The following SDK1 variants were observed in gnomAD, a reference collection of about 807,000 sequenced individuals.
SDK1 encodes the protein sidekick cell adhesion molecule 1, also known as protein sidekick-1.
Under a neutral mutation model 245.5 loss-of-function variants are expected in SDK1, and 157 were observed. The observed-to-expected ratio is 0.64, with a 90% CI of 0.56 to 0.73. The LOEUF (loss-of-function observed/expected upper bound fraction) is 0.73. Ranked by LOEUF, SDK1 falls within the 30% of genes least tolerant of loss-of-function variation. The pLI is 0.00. For missense variants in SDK1, 3,583 were observed against 3,002.3 expected, an observed-to-expected ratio of 1.19 and a Z score of -4.52; for synonymous variants, 1,647 against 1,278.5, an observed-to-expected ratio of 1.29 and a Z score of -6.15.
At chr7:4,091,414 C>G (rs1192566716) in intron 22 of SDK1, among the ~76,000 whole-genome samples, 1 of 143,312 alleles carries the variant, frequency 7.0e-6, no homozygotes, top group Admixed American at 7.3e-5. Context: ...AGGATCTGGG[C>G]TCACTGCAAC....
In SDK1 at chr7:3,744,736, CGG is replaced by C. The variant is rs1458352622; in HGVS notation, c.714-76712_714-76711del. Among the ~76,000 whole-genome samples the C allele has an allele frequency of 9.4e-4, 142 of 151,776 alleles. 1 individual carries two copies. The highest frequency in any genetic ancestry group is 3.4e-3 in the African/African-American group (139 of 41,368). On this transcript the variant is annotated intron_variant, in intron 4 of 44. Coordinates refer to ENST00000404826, the MANE Select transcript of SDK1 (RefSeq NM_152744.4). The stretch of plus-strand genomic sequence containing the variant: ...CTGAGGCAGGAGAATGGCGTGAACC[CGG>C]GAGGTGGAGGTTGCAGTGAGCGGAG...
intron 4 of SDK1, among the ~76,000 whole-genome samples, chr7:3,813,628 G>C (rs891384677): frequency 2.0e-5 from 3 of 148,142 alleles, no homozygotes; most frequent in Admixed American, 6.8e-5. Flanking sequence ...TATATACCCA[G>C]TAATGGGATG....
intron 4 of SDK1, among the ~76,000 whole-genome samples, chr7:3,658,661 G>A (rs1401431319): frequency 6.9e-6 from 1 of 144,966 alleles, no homozygotes; most frequent in Non-Finnish European, 1.5e-5. Context: ...ATCCAGGCTG[G>A]AGTGCAGTGG....
intron 4 of SDK1, among the ~76,000 whole-genome samples, chr7:3,729,333 A>G (rs1779107293): frequency 6.6e-6 from 1 of 152,180 alleles, no homozygotes; most frequent in Admixed American, 6.5e-5. Flanking sequence ...CTGTTGTTGA[A>G]AGTGCTTGCT....
At position 3,639,106 on chromosome 7, in the gene SDK1, C is replaced by G; in HGVS notation, c.561C>G (p.Val187=). The G allele has an allele frequency of 1.9e-6, 3 of 1,583,896 alleles. No homozygotes were observed. The highest frequency in any genetic ancestry group is 2.6e-6 in the Non-Finnish European group (3 of 1,156,480). Residue 187 remains valine (V), a synonymous_variant, in exon 3 of 45, where the codon GTC becomes GTG. Transcript: ENST00000404826. ...ALLQRKSEVQ[V]AYMGSFMDTD... is the part of the protein sequence containing the mutation. ...TGCAAAGAAAATCAGAAGTTCAAGTCGCATGTATGTGTACAGTAAGGAGAT... is the reference window on the plus strand; with the variant it reads ...TGCAAAGAAAATCAGAAGTTCAAGTGGCATGTATGTGTACAGTAAGGAGAT...
chr7:4,246,350 C>T (rs1381839299), intron 44 of SDK1, among the ~76,000 whole-genome samples: 4 of 152,058 alleles, frequency 2.6e-5, no homozygotes, highest in East Asian at 1.9e-4. Flanking sequence ...CAGATGGAGC[C>T]GGCAGGGCTC....
At chr7:3,620,204 A>C (rs1026569758) in intron 2 of SDK1, among the ~76,000 whole-genome samples, 1 of 151,978 alleles carries the variant, frequency 6.6e-6, no homozygotes, top group African/African-American at 2.4e-5. Context: ...GGTCCGTGGA[A>C]CCACACTCAG....
intron 42 of SDK1, among the ~76,000 whole-genome samples, chr7:4,237,986 C>G (rs977787656): frequency 3.9e-5 from 6 of 152,202 alleles, no homozygotes; most frequent in Admixed American, 2.6e-4. Context: ...GACCCAGATG[C>G]TGACCCTGCC....
intron 1 of SDK1, among the ~76,000 whole-genome samples, chr7:3,417,642 A>G (rs970881955): frequency 6.6e-6 from 1 of 152,198 alleles, no homozygotes; most frequent in Non-Finnish European, 1.5e-5. Flanking sequence ...ATTGTAATCA[A>G]ATATTTATGC....
chr7:3,846,159 G>T (rs1780273358), intron 5 of SDK1, among the ~76,000 whole-genome samples: 1 of 152,180 alleles, frequency 6.6e-6, no homozygotes, highest in African/African-American at 2.4e-5. Flanking sequence ...CATGAACTGA[G>T]TAGTAAAAGA....
At chr7:4,182,736 A>G (rs1782669651) in intron 35 of SDK1, among the ~76,000 whole-genome samples, 1 of 152,208 alleles carries the variant, frequency 6.6e-6, no homozygotes, top group Admixed American at 6.5e-5. Flanking sequence ...CTCCTTCCTG[A>G]GGCTCCTGGC....
chr7:3,903,356 G>A (rs925741702), intron 5 of SDK1, among the ~76,000 whole-genome samples: 3 of 152,060 alleles, frequency 2.0e-5, no homozygotes, highest in African/African-American at 7.2e-5. Context: ...TGTTAGCCAG[G>A]ATGGTCTCGA....
chr7:3,476,474 C>G (rs940219198), intron 1 of SDK1, among the ~76,000 whole-genome samples: 1 of 152,100 alleles, frequency 6.6e-6, no homozygotes, highest in African/African-American at 2.4e-5. Context: ...TAATCTATTT[C>G]TACATTTCTG....
intron 5 of SDK1, among the ~76,000 whole-genome samples, chr7:3,938,891 T>C (rs1306208090): frequency 1.3e-5 from 2 of 152,216 alleles, no homozygotes; most frequent in African/African-American, 4.8e-5. Flanking sequence ...GAAGATACAT[T>C]CTTTGTTACC....
chr7:4,165,251 C>T (rs755297485), intron 32 of SDK1, among the ~76,000 whole-genome samples: 3 of 151,932 alleles, frequency 2.0e-5, no homozygotes, highest in Non-Finnish European at 4.4e-5. Context: ...CCCAGCTACT[C>T]GGGAGGCTCA....
intron 8 of SDK1, 69 bp downstream of exon 8, chr7:3,959,083 C>T: frequency 8.6e-7 from 1 of 1,158,494 alleles, no homozygotes; most frequent in Non-Finnish European, 1.3e-6. Context: ...TTTTCCATAG[C>T]AGAATTGCCA....
At chr7:4,033,122 T>C (rs28828193) in intron 17 of SDK1, among the ~76,000 whole-genome samples, 47,416 of 152,066 alleles carry the variant, frequency 0.31, 11,328 homozygotes, top group African/African-American at 0.67. Flanking sequence ...CTAGAAGATG[T>C]CCGGAACAGA....
intron 5 of SDK1, among the ~76,000 whole-genome samples, chr7:3,914,502 G>T (rs1779297532): frequency 6.6e-6 from 1 of 152,224 alleles, no homozygotes; most frequent in Admixed American, 6.5e-5. Context: ...CTGGAACTCA[G>T]AAATGGTATG....
chr7:3,944,374 A>G lies in SDK1; in HGVS notation c.848-6549A>G, dbSNP rs527321789. 3.9e-5 allele frequency among the ~76,000 whole-genome samples: 6 copies of G among 152,304 alleles called. No homozygotes were observed. The South Asian group carries it at 1.2e-3, about 32-fold the overall frequency. On this transcript the variant is annotated intron_variant, in intron 5 of 44. Transcript: ENST00000404826. ...TTGGCAAAATAGAATTCCTTTCTCT[A>G]CTTTTGTTTTCGTTCTTGGAACTGA...
Sources: gnomAD v4.1 joint callset for allele counts (sites outside exome capture counted in the v4.1 genomes callset) on GRCh38, gnomAD v4.1.1 for gene constraint, MANE v1.5 for transcripts, NCBI Gene and HGNC (gene_info 2026-07-23, HGNC 2026-07-21) for gene names.